KCNAB2: variants seen among roughly 807,000 people sequenced by gnomAD.
KCNAB2 encodes the protein potassium voltage-gated channel subfamily A regulatory beta subunit 2.
Under a neutral mutation model 63.6 loss-of-function variants are expected in KCNAB2, and 29 were observed. The ratio of observed to expected loss-of-function variants is 0.46; its 90% CI spans 0.34 to 0.62. The LOEUF (loss-of-function observed/expected upper bound fraction) is 0.62. KCNAB2 is among the 20% of genes least tolerant of loss of function. The pLI is 0.01. For missense variants in KCNAB2, 359 were observed against 563.9 expected, an observed-to-expected ratio of 0.64 and a Z score of 3.68; for synonymous variants, 222 against 224.2, an observed-to-expected ratio of 0.99 and a Z score of 0.09.
intron 1 of KCNAB2, among the ~76,000 whole-genome samples, chr1:6,019,719 C>T (rs996022799): frequency 6.6e-6 from 1 of 152,200 alleles, no homozygotes; most frequent in Non-Finnish European, 1.5e-5. Context: ...CCACGTGCAG[C>T]ACGTGCTGCA....
intron 1 of KCNAB2, among the ~76,000 whole-genome samples, chr1:6,000,145 T>C (rs1657165957): frequency 6.6e-6 from 1 of 152,178 alleles, no homozygotes; most frequent in African/African-American, 2.4e-5. Context: ...AGATAGATCC[T>C]GCAGCGCCTC....
chr1:6,017,688 G>A (rs1328774094), intron 1 of KCNAB2, among the ~76,000 whole-genome samples: 1 of 152,110 alleles, frequency 6.6e-6, no homozygotes, highest in Non-Finnish European at 1.5e-5. Flanking sequence ...CTACTCGAGA[G>A]GCTGAGGCAG....
At chr1:6,057,718 CT>C (rs1029746464) in intron 2 of KCNAB2, among the ~76,000 whole-genome samples, 76 of 152,276 alleles carry the variant, frequency 5.0e-4, no homozygotes, top group African/African-American at 1.8e-3. Flanking sequence ...TCCTTTTTGC[CT>C]CCCCCAGTTT....
chr1:6,010,123 C>T (rs1453039021), intron 1 of KCNAB2, among the ~76,000 whole-genome samples: 6 of 152,138 alleles, frequency 3.9e-5, no homozygotes, highest in African/African-American at 7.2e-5. Flanking sequence ...GTGATCCACC[C>T]GCCTCAGCCT....
At chr1:6,097,546 A>G (rs1338359381) in intron 15 of KCNAB2, 189 bp downstream of exon 15, 5 of 1,004,134 alleles carry the variant, frequency 5.0e-6, no homozygotes, top group South Asian at 2.9e-5. Flanking sequence ...TAACTGCACG[A>G]AACAAGGAGG....
chr1:6,050,643 C>T (rs1661306424), intron 1 of KCNAB2, among the ~76,000 whole-genome samples: 1 of 152,256 alleles, frequency 6.6e-6, no homozygotes, highest in Non-Finnish European at 1.5e-5. Context: ...TGTGGATGGA[C>T]TGTCACTTAG....
At chr1:6,036,798 A>C (rs968059539) in intron 1 of KCNAB2, among the ~76,000 whole-genome samples, 7 of 137,088 alleles carry the variant, frequency 5.1e-5, no homozygotes, top group African/African-American at 1.6e-4. Flanking sequence ...GTGGCAGCTG[A>C]GGGTGGGGTG....
chr1:6,023,622 T>G (rs1311879223), intron 1 of KCNAB2, among the ~76,000 whole-genome samples: 1 of 152,236 alleles, frequency 6.6e-6, no homozygotes, highest in Non-Finnish European at 1.5e-5. Flanking sequence ...TTCAAGTCCT[T>G]TGCCGTTTTT....
intron 10 of KCNAB2, among the ~76,000 whole-genome samples, chr1:6,092,896 G>T (rs1003290525): frequency 4.6e-5 from 7 of 152,220 alleles, no homozygotes; most frequent in African/African-American, 1.7e-4. Flanking sequence ...TTTGCCAGGG[G>T]TCCTGGGTGA....
rs144932152 is a variant in KCNAB2, at chr1:6,078,815, GC to G, written c.301-3379del. 0.036 allele frequency among the ~76,000 whole-genome samples: 5,543 copies of G among 152,284 alleles called. 327 individuals are homozygous for G. The highest frequency in any genetic ancestry group is 0.13 in the African/African-American group (5,278 of 41,522). On this transcript the variant is annotated intron_variant, in intron 4 of 15. Transcript: ENST00000378083. This position sits in a 1 kb window ranked among gnomAD's most constrained non-coding sequence, Gnocchi z 4.2. ...TACTCGGAAGGCACATCCTGATGTGGCAGGGCTGTCGTGGAGCCTGGGAGGC... is the reference window on the plus strand; with the variant it reads ...TACTCGGAAGGCACATCCTGATGTGGAGGGCTGTCGTGGAGCCTGGGAGGC...
Position 6,046,003 on chromosome 1 carries a change from T to C in KCNAB2, c.-207T>C, listed in dbSNP as rs1570945722. On this transcript the variant is annotated 5_prime_UTR_variant, in exon 1 of 16. The change abolishes an upstream ATG in the 5' untranslated region. Transcript: ENST00000378083. Reference sequence around the variant, plus strand: ...GATGAAAACGCCCTAATAGAACTAATGGACTCGCTGCCTCAAAACTCGACT... The same window carrying C: ...GATGAAAACGCCCTAATAGAACTAACGGACTCGCTGCCTCAAAACTCGACT... 2 of 985,440 alleles carry C rather than the reference T, an allele frequency of 2.0e-6. No homozygotes were observed. The highest frequency in any genetic ancestry group is 1.1e-4 in the East Asian group (1 of 8,804). The allele number at this position is 985,440 out of a possible 1,614,324, so 61.0% of individuals were successfully genotyped here.
rs1665642874 is a variant in KCNAB2, at chr1:6,096,402, T to C, written c.949-234T>C. 2 of 589,078 alleles carry C rather than the reference T, an allele frequency of 3.4e-6. No homozygotes were observed. Among genetic ancestry groups the C allele is most frequent in the South Asian group, 2.0e-5 (1 of 49,232 alleles). The allele number at this position is 589,078 out of a possible 1,614,324, so 36.5% of individuals were successfully genotyped here. ...GGGGTTGGGCCAGCACCACAGTCTT[T>C]GCACTTCAGAGCCTGGACAGGCCCC... is the stretch of plus-strand genomic sequence containing the variant. On this transcript the variant is annotated intron_variant, in intron 13 of 15. Coordinates refer to ENST00000378083, the MANE Select transcript of KCNAB2 (RefSeq NM_001199862.2). The surrounding 1 kb of genome is among the most constrained non-coding windows in gnomAD (Gnocchi z 5.9).
chr1:6,075,925 T>A (rs1663621724), intron 4 of KCNAB2, among the ~76,000 whole-genome samples: 1 of 152,214 alleles, frequency 6.6e-6, no homozygotes, highest in South Asian at 2.1e-4. Flanking sequence ...CCTGTCTCTA[T>A]GAACTCTGCA....
intron 4 of KCNAB2, among the ~76,000 whole-genome samples, chr1:6,075,381 C>T (rs78887289): frequency 0.057 from 8,701 of 152,270 alleles, 803 homozygotes; most frequent in African/African-American, 0.2. Context: ...TGGCCCAGGC[C>T]TCTGCAGTGT....
chr1:6,072,353 C>A (rs1173204270), intron 2 of KCNAB2, among the ~76,000 whole-genome samples: 4 of 152,208 alleles, frequency 2.6e-5, no homozygotes, highest in Non-Finnish European at 4.4e-5. Context: ...GAAGAAGAGA[C>A]ACAAAATCAC....
intron 1 of KCNAB2, among the ~76,000 whole-genome samples, chr1:6,049,529 C>T (rs907442750): frequency 2.0e-5 from 3 of 152,232 alleles, no homozygotes; most frequent in Non-Finnish European, 4.4e-5. Flanking sequence ...CCATGCCCAT[C>T]AGACAGAGGT....
chr1:6,045,634 G>A (rs1456015926), upstream of KCNAB2, among the ~76,000 whole-genome samples: 1 of 152,210 alleles, frequency 6.6e-6, no homozygotes, highest in East Asian at 1.9e-4. This position sits in a 1 kb window ranked among gnomAD's most constrained non-coding sequence, Gnocchi z 4.8. Flanking sequence ...CCTTGGCTGT[G>A]GGTGGTGGCC....
intron 2 of KCNAB2, among the ~76,000 whole-genome samples, chr1:6,054,656 T>C (rs1452276340): frequency 6.6e-6 from 1 of 152,126 alleles, no homozygotes; most frequent in Non-Finnish European, 1.5e-5. Flanking sequence ...TTTTCTGGGG[T>C]TTAAATACCT....
chr1:6,002,698 G>C (rs1035319741), intron 1 of KCNAB2, among the ~76,000 whole-genome samples: 1 of 152,218 alleles, frequency 6.6e-6, no homozygotes, highest in Non-Finnish European at 1.5e-5. Context: ...AGAAGGCCAA[G>C]GTCCCTTGAG....
Sources: gnomAD v4.1 joint callset for allele counts (sites outside exome capture counted in the v4.1 genomes callset) on GRCh38, gnomAD v4.1.1 for gene constraint, Gnocchi (gnomAD v3.1) non-coding constraint, MANE v1.5 for transcripts, NCBI Gene and HGNC (gene_info 2026-07-23, HGNC 2026-07-21) for gene names.